Variants in COL9A3 observed in about 807,000 individuals in gnomAD.
COL9A3 encodes the protein collagen alpha-3(IX) chain.
A neutral mutation model predicts 110.2 loss-of-function variants in COL9A3; 82 were observed. The observed-to-expected ratio is 0.74, with a 90% CI of 0.62 to 0.89. The LOEUF is 0.89. Ranked by LOEUF, COL9A3 falls within the 40% of genes least tolerant of loss-of-function variation. The pLI is 0.00. For missense variants in COL9A3, 1,066 were observed against 981.3 expected (o/e 1.09, Z -1.15); for synonymous variants, 494 against 403.8 (o/e 1.22, Z -2.68).
chr20:62,826,139 G>T, intron 13 of COL9A3, 65 bp from the exon 14 acceptor site: 1 of 1,511,334 alleles, frequency 6.6e-7, no homozygotes, highest in Non-Finnish European at 9.0e-7. Flanking sequence ...GAGGGCCTTG[G>T]CCCTGGGTGC....
At chr20:62,824,555 G>A (rs1022574790) in intron 11 of COL9A3, 54 bp downstream of exon 11, 3 of 1,525,878 alleles carry the variant, frequency 2.0e-6, no homozygotes, top group Non-Finnish European at 2.7e-6. Context: ...GCAGGAGGCA[G>A]CTGGGCTCCC....
At chr20:62,817,016 C>T (rs1268852802), upstream of COL9A3, 3 of 1,128,588 alleles carry the variant, frequency 2.7e-6, no homozygotes, top group Admixed American at 4.7e-5. Context: ...CCGCCCCGCC[C>T]GCCCGCGCGC....
chr20:62,826,548 A>ACC, intron 14 of COL9A3, among the ~76,000 whole-genome samples: 1 of 152,112 alleles, frequency 6.6e-6, no homozygotes, highest in African/African-American at 2.4e-5. Context: ...GCTGACACCC[A>ACC]CACACACGGT....
At chr20:62,824,944 C>A in intron 11 of COL9A3, 24 bp from the exon 12 acceptor site, 1 of 1,603,168 alleles carries the variant, frequency 6.2e-7, no homozygotes, top group South Asian at 1.1e-5. Flanking sequence ...CTGGGTGGGG[C>A]AGTGACCCCA....
intron 20 of COL9A3, 37 bp downstream of exon 20, chr20:62,829,536 G>A: frequency 6.2e-7 from 1 of 1,611,830 alleles, no homozygotes; most frequent in Non-Finnish European, 8.5e-7. Flanking sequence ...TGGGAGGGGA[G>A]GCGAGGGGCC....
intron 4 of COL9A3, 112 bp from the exon 5 acceptor site, chr20:62,819,817 T>C: frequency 8.3e-7 from 1 of 1,204,340 alleles, no homozygotes; most frequent in Non-Finnish European, 1.2e-6. Flanking sequence ...CCTAAGGGTC[T>C]TCTATGCCTC....
At chr20:62,835,800 A>G in intron 26 of COL9A3, 121 bp from the exon 27 acceptor site, 2 of 982,904 alleles carry the variant, frequency 2.0e-6, no homozygotes, top group South Asian at 1.3e-5. Context: ...ACCACTGTCA[A>G]TATTTGGATG....
In COL9A3 at chr20:62,818,550, C is replaced by T; in HGVS notation, c.180C>T (p.Pro60=). 1 of 1,613,010 alleles carries T rather than the reference C, an allele frequency of 6.2e-7. No individual in the cohort carries two copies. The change falls in exon 3 of 32, where the codon CCC becomes CCT. Residue 60 remains proline (P), a synonymous_variant. Transcript: ENST00000649368. ...CTGGTCCTCCAGGTCTGCCTGGGCCCCCGGTGAGTGTCCCTGGCTGGGGAG... is the reference window on the plus strand; with the variant it reads ...CTGGTCCTCCAGGTCTGCCTGGGCCTCCGGTGAGTGTCCCTGGCTGGGGAG... ...GEAGPPGLPG[P]PGPKGAPGKP... is the part of the protein sequence containing the mutation.
chr20:62,828,923 G>A lies in COL9A3; in HGVS notation c.955G>A (p.Gly319Arg), dbSNP rs1249895731. The A allele has an allele frequency of 1.9e-6, 3 of 1,612,154 alleles. No individual in the cohort carries two copies. Among genetic ancestry groups the A allele is most frequent in the East Asian group, 2.2e-5 (1 of 44,874 alleles). Residue 319 changes from glycine to arginine, a missense_variant and splice_region_variant, in exon 19 of 32, where the codon GGA (glycine) becomes AGA (arginine). By Grantham distance (125) the Gly-to-Arg change is moderately radical. Coordinates refer to ENST00000649368, the MANE Select transcript of COL9A3 (RefSeq NM_001853.4). ...NGVPGLDGQKGEAGRNGAPGE... is the reference protein window; with the variant it reads ...NGVPGLDGQKREAGRNGAPGE... ...CGCACCCCAATCTCTGTCCTCACAG[G>A]GAGAGGCTGGTCGCAACGGTGCTCC...
intron 4 of COL9A3, 128 bp from the exon 5 acceptor site, chr20:62,819,801 T>C (rs1223534650): frequency 9.8e-7 from 1 of 1,019,342 alleles, no homozygotes; most frequent in South Asian, 1.3e-5. Flanking sequence ...GAGAGGAGGC[T>C]GCCACCCTAA....
intron 29 of COL9A3, 39 bp from the exon 30 acceptor site, chr20:62,837,044 C>G: frequency 6.2e-7 from 1 of 1,607,466 alleles, no homozygotes; most frequent in East Asian, 2.2e-5. Flanking sequence ...TCTGATGATC[C>G]TCTCTCGAGT....
intron 16 of COL9A3, 50 bp from the exon 17 acceptor site, chr20:62,827,873 G>A: frequency 1.3e-6 from 2 of 1,595,346 alleles, no homozygotes; most frequent in Non-Finnish European, 1.7e-6. Flanking sequence ...AATGCGTGAG[G>A]CCGTCTGGGA....
Position 62,836,961 on chromosome 20 carries a change from C to T in COL9A3, c.1604-122C>T, listed in dbSNP as rs76662221. ...ACCCCAAAGCAGTTAAACCATTTTC[C>T]ATCAATCAGAAGGAAAACTTGCTTC... On this transcript the variant is annotated intron_variant, in intron 29 of 31. Transcript: ENST00000649368. 1.5e-3 allele frequency: 1,942 copies of T among 1,290,850 alleles called. 27 individuals are homozygous for T. The African/African-American group carries it at 0.026, about 17-fold the overall frequency. 80.0% of individuals were successfully genotyped at this position (1,290,850 alleles called of 1,614,324 possible). A position where few individuals can be genotyped will look rare whatever the true frequency, so the allele number is the denominator to read the frequency against.
At chr20:62,837,704 G>A (rs1357911280) in intron 30 of COL9A3, among the ~76,000 whole-genome samples, 2 of 152,166 alleles carry the variant, frequency 1.3e-5, no homozygotes, top group Admixed American at 1.3e-4. Flanking sequence ...CTACTCAGGA[G>A]GCTGAGGCAG....
chr20:62,832,417 C>T (rs983551468), intron 25 of COL9A3, among the ~76,000 whole-genome samples: 3 of 152,274 alleles, frequency 2.0e-5, no homozygotes, highest in Admixed American at 6.5e-5. Context: ...GCATCCGCCG[C>T]TGCCTTCCTG....
chr20:62,839,569 G>A (rs550337352), intron 31 of COL9A3, among the ~76,000 whole-genome samples: 3 of 152,176 alleles, frequency 2.0e-5, no homozygotes, highest in South Asian at 2.1e-4. Context: ...GAAGGCACCC[G>A]CTCCCACCTC....
At chr20:62,823,773 C>T (rs554643369) in intron 10 of COL9A3, among the ~76,000 whole-genome samples, 83 of 152,398 alleles carry the variant, frequency 5.4e-4, no homozygotes, top group African/African-American at 1.9e-3. Flanking sequence ...ATGCCGAGCA[C>T]ATTCCTGTGC....
chr20:62,821,423 G>T, intron 6 of COL9A3, 84 bp from the exon 7 acceptor site: 2 of 1,576,714 alleles, frequency 1.3e-6, no homozygotes, highest in Non-Finnish European at 1.7e-6. Context: ...CTTTCCCCAG[G>T]ACCCACCTGA....
In COL9A3 at chr20:62,836,209, G is replaced by A; in HGVS notation, c.1424G>A (p.Gly475Asp). 1 of 1,613,506 alleles carries A rather than the reference G, an allele frequency of 6.2e-7. No homozygotes were observed. Among genetic ancestry groups the A allele is most frequent in the Non-Finnish European group, 8.5e-7 (1 of 1,179,962 alleles). The change falls in exon 28 of 32, where the codon GGC becomes GAC. Residue 475 changes from glycine to aspartate, a missense_variant. Physicochemically the swap from Gly to Asp is moderately conservative, Grantham distance 94. Coordinates refer to ENST00000649368, the MANE Select transcript of COL9A3 (RefSeq NM_001853.4). ...CAGTCTGGCAGTCGAGGGGAGCTGG[G>A]CCCCAAAGGCACCCAGGGTCCCAAC... is the stretch of plus-strand genomic sequence containing the variant. ...KGESGSRGEL[G>D]PKGTQGPNGT...
Sources: gnomAD v4.1 joint callset for allele counts (sites outside exome capture counted in the v4.1 genomes callset) on GRCh38, gnomAD v4.1.1 for gene constraint, MANE v1.5 for transcripts, NCBI Gene and HGNC (gene_info 2026-07-23, HGNC 2026-07-21) for gene names.